RELN: variants seen among roughly 807,000 people sequenced by gnomAD.
RELN encodes reelin.
RELN carries 108 observed loss-of-function variants against 427.6 expected under a neutral mutation model. That is an observed-to-expected ratio of 0.25 (90% confidence interval 0.22 to 0.30). The LOEUF is 0.30. RELN is among the 10% of genes least tolerant of loss of function. RELN has a pLI of 1.00. For missense variants in RELN, 3,715 were observed against 4,302.8 expected (o/e 0.86, Z 3.82); for synonymous variants, 1,524 against 1,513.4 (o/e 1.01, Z -0.16).
At chr7:103,966,379 A>G (rs867140601) in intron 1 of RELN, among the ~76,000 whole-genome samples, 3 of 152,286 alleles carry the variant, frequency 2.0e-5, no homozygotes, top group South Asian at 4.1e-4. Flanking sequence ...GGATGAACCT[A>G]ATGTGCACAT....
intron 2 of RELN, among the ~76,000 whole-genome samples, chr7:103,899,678 T>G (rs531136603): frequency 6.6e-6 from 1 of 152,234 alleles, no homozygotes; most frequent in Admixed American, 6.5e-5. Flanking sequence ...ATCCATCACA[T>G]AAACAGAACC....
intron 24 of RELN, among the ~76,000 whole-genome samples, chr7:103,598,622 T>C (rs1030442021): frequency 6.6e-6 from 1 of 152,222 alleles, no homozygotes; most frequent in Admixed American, 6.5e-5. Flanking sequence ...TCCAGGAGAC[T>C]ATGGTGTTAG....
rs1242055256 is a variant in RELN, at chr7:103,603,593, TATC to T, written c.3147-106_3147-104del. ...CCATGTCTTACTTTTGCTCAGGTCT[TATC>T]ATTCACACTAGATTCTTCCCTACAG... On this transcript the variant is annotated intron_variant, in intron 23 of 64. Transcript: ENST00000428762. This position sits in a 1 kb window ranked among gnomAD's most constrained non-coding sequence, Gnocchi z 4.3. 3.2e-5 allele frequency: 28 copies of T among 878,278 alleles called. No individual in the cohort carries two copies. The highest frequency in any genetic ancestry group is 1.3e-4 in the Admixed American group (7 of 54,444). The allele number at this position is 878,278 out of a possible 1,614,324, so 54.4% of individuals were successfully genotyped here. A position where few individuals can be genotyped will look rare whatever the true frequency, so the allele number is the denominator to read the frequency against.
At chr7:103,704,573 A>C (rs1834160693) in intron 8 of RELN, among the ~76,000 whole-genome samples, 1 of 151,898 alleles carries the variant, frequency 6.6e-6, no homozygotes, top group South Asian at 2.1e-4. Flanking sequence ...CTTGCTTCTG[A>C]AGAGTCCTCC....
chr7:103,726,387 T>C (rs1207041594), intron 7 of RELN, among the ~76,000 whole-genome samples: 5 of 152,144 alleles, frequency 3.3e-5, no homozygotes, highest in Admixed American at 3.3e-4. Flanking sequence ...ATAATGGAAA[T>C]ATAAAAACTA....
At chr7:103,611,882 A>G in intron 20 of RELN, 79 bp from the exon 21 acceptor site, 4 of 1,075,150 alleles carry the variant, frequency 3.7e-6, no homozygotes, top group Non-Finnish European at 5.7e-6. Flanking sequence ...ACTTCACACT[A>G]TATACCAAAA....
At chr7:103,735,236 A>G (rs1790462172) in intron 6 of RELN, among the ~76,000 whole-genome samples, 1 of 152,136 alleles carries the variant, frequency 6.6e-6, no homozygotes. Flanking sequence ...TTATTTTGTT[A>G]TTAGTTCTCT....
chr7:103,517,752 T>C (rs1208104561), intron 49 of RELN, among the ~76,000 whole-genome samples: 1 of 152,228 alleles, frequency 6.6e-6, no homozygotes, highest in Non-Finnish European at 1.5e-5. Context: ...TTTAAAAGTT[T>C]TGCTTGTGGC....
At chr7:103,790,446 T>A (rs1386606158) in intron 3 of RELN, among the ~76,000 whole-genome samples, 2 of 152,174 alleles carry the variant, frequency 1.3e-5, no homozygotes, top group East Asian at 1.9e-4. Flanking sequence ...TTTGACCATA[T>A]CTCTTGCATT....
chr7:103,841,841 T>C (rs1204635613), intron 2 of RELN, among the ~76,000 whole-genome samples: 2 of 152,184 alleles, frequency 1.3e-5, no homozygotes, highest in East Asian at 3.8e-4. Context: ...CTATATTTCA[T>C]AGATGAAAGA....
At chr7:103,634,725 A>G (rs1832540224) in intron 19 of RELN, among the ~76,000 whole-genome samples, 1 of 151,938 alleles carries the variant, frequency 6.6e-6, no homozygotes, top group South Asian at 2.1e-4. Context: ...GTTATAAGAT[A>G]TATATAATAT....
chr7:103,538,434 G>A (rs1052115097), intron 45 of RELN, among the ~76,000 whole-genome samples: 4 of 152,106 alleles, frequency 2.6e-5, no homozygotes, highest in African/African-American at 9.7e-5. Flanking sequence ...TCTCTCCTAC[G>A]ATGGGTCTGT....
rs745551931 is a variant in RELN, at chr7:103,490,840, C to CA, written c.9444-12dup. ...TGCCAGGAATCCGATCTGCAGAAAC[C>CA]AAAAGGCTTTGTTAGACAAATTGTA... On this transcript the variant is annotated splice_polypyrimidine_tract_variant and intron_variant, in intron 58 of 64. Coordinates refer to ENST00000428762, the MANE Select transcript of RELN (RefSeq NM_005045.4). 3 of 1,614,050 alleles carry CA rather than the reference C, an allele frequency of 1.9e-6. No individual in the cohort carries two copies. In the East Asian group the frequency reaches 6.7e-5, roughly 36 times the overall value.
intron 3 of RELN, among the ~76,000 whole-genome samples, chr7:103,786,648 C>A (rs1584491969): frequency 6.6e-6 from 1 of 152,068 alleles, no homozygotes; most frequent in East Asian, 1.9e-4. Context: ...ACAAGAAGAG[C>A]TAACTATCCT....
chr7:103,587,332 G>A (rs960530223), intron 28 of RELN, among the ~76,000 whole-genome samples: 3 of 152,210 alleles, frequency 2.0e-5, no homozygotes, highest in Admixed American at 2.0e-4. Flanking sequence ...GCCACATGCA[G>A]AAGAATGAAA....
intron 3 of RELN, among the ~76,000 whole-genome samples, chr7:103,797,975 G>T (rs1792350742): frequency 6.6e-6 from 1 of 152,178 alleles, no homozygotes; most frequent in Non-Finnish European, 1.5e-5. Flanking sequence ...ATAAGTCACG[G>T]ATTAAAATAT....
At chr7:103,857,262 C>G (rs556079338) in intron 2 of RELN, among the ~76,000 whole-genome samples, 2 of 152,306 alleles carry the variant, frequency 1.3e-5, no homozygotes, top group Non-Finnish European at 2.9e-5. Context: ...AGACCTCTAT[C>G]TAAGCTATCA....
intron 1 of RELN, among the ~76,000 whole-genome samples, chr7:103,967,614 C>T (rs1441108035): frequency 1.3e-5 from 2 of 152,190 alleles, no homozygotes. Context: ...AGGAGAATGC[C>T]TCTATCATGT....
rs1831937686 is a variant in RELN, at chr7:103,610,871, T to C, written c.2896-64A>G. 1.3e-5 allele frequency: 11 copies of C among 865,832 alleles called. No individual in the cohort carries two copies. The Admixed American group carries it at 1.9e-4, about 15-fold the overall frequency. 53.6% of individuals were successfully genotyped at this position (865,832 alleles called of 1,614,324 possible). A position where few individuals can be genotyped will look rare whatever the true frequency, so the allele number is the denominator to read the frequency against. ...TTTTCCTCAGGTGAAATATGTCTAC[T>C]CACCCACTGTAAGTGAAAAAGACCT... On this transcript the variant is annotated intron_variant, in intron 21 of 64. Transcript: ENST00000428762.
Sources: allele counts gnomAD v4.1 joint callset (sites outside exome capture counted in the v4.1 genomes callset), GRCh38; gene constraint gnomAD v4.1.1; non-coding constraint Gnocchi (gnomAD v3.1); transcripts MANE v1.5; gene names NCBI Gene and HGNC (gene_info 2026-07-23, HGNC 2026-07-21).